Variants in PLEKHH1 observed in about 807,000 individuals in gnomAD.
PLEKHH1 encodes pleckstrin homology, MyTH4 and FERM domain containing H1.
A neutral mutation model predicts 160.0 loss-of-function variants in PLEKHH1; 104 were observed. That is an observed-to-expected ratio of 0.65 (90% CI 0.55 to 0.76). PLEKHH1 has a LOEUF of 0.76. PLEKHH1 is among the 30% of genes least tolerant of loss of function. The probability of loss-of-function intolerance (pLI) is 0.00; values close to 1 mark genes in which losing one functional copy is unlikely to be tolerated. For missense variants in PLEKHH1, 1,427 were observed against 1,724.1 expected (o/e 0.83, Z 3.05); for synonymous variants, 619 against 678.4 (o/e 0.91, Z 1.36).
chr14:67,585,613 G>C lies in PLEKHH1; in HGVS notation c.3745G>C (p.Val1249Leu). 1 of 1,584,560 alleles carries C rather than the reference G, an allele frequency of 6.3e-7. No individual in the cohort carries two copies. Among genetic ancestry groups the C allele is most frequent in the Non-Finnish European group, 8.6e-7 (1 of 1,164,320 alleles). ...SKENALVWIA[V>L]NEDGVSILDH... ...GGAGAACGCTCTGGTGTGGATTGCTGTGAATGAGGATGGCGTCAGCATCCT... is the reference window on the plus strand; with the variant it reads ...GGAGAACGCTCTGGTGTGGATTGCTCTGAATGAGGATGGCGTCAGCATCCT... The change falls in exon 27 of 29, where the codon GTG becomes CTG. Residue 1249 changes from valine to leucine, a missense_variant. By Grantham distance (32) the Val-to-Leu change is conservative (BLOSUM62 1). This residue lies in a region of PLEKHH1 where 56 missense variants were observed against 53.0 expected (regional missense o/e 1.06). Transcript: ENST00000329153.
Position 67,533,370 on chromosome 14 carries a change from C to G in PLEKHH1, c.-63C>G, listed in dbSNP as rs1435676408. ...CGAGGGCGCCCGTGTGCCCAGTGCGCGGCGGGGACGGCCGCGAGCTCGCTG... is the reference window on the plus strand; with the variant it reads ...CGAGGGCGCCCGTGTGCCCAGTGCGGGGCGGGGACGGCCGCGAGCTCGCTG... On this transcript the variant is annotated 5_prime_UTR_variant, in exon 1 of 29. Coordinates refer to ENST00000329153, the MANE Select transcript of PLEKHH1 (RefSeq NM_020715.3). 4 of 151,522 alleles carry G rather than the reference C, an allele frequency of 2.6e-5. No homozygotes were observed. Among genetic ancestry groups the G allele is most frequent in the Non-Finnish European group, 5.9e-5 (4 of 67,834 alleles). The allele number at this position is 151,522 out of a possible 1,614,324, so 9.4% of individuals were successfully genotyped here. A position where few individuals can be genotyped will look rare whatever the true frequency, so the allele number is the denominator to read the frequency against.
chr14:67,538,453 T>G (rs190428430), intron 1 of PLEKHH1, among the ~76,000 whole-genome samples: 8 of 152,362 alleles, frequency 5.3e-5, no homozygotes, highest in Admixed American at 5.2e-4. Context: ...TTTGACAAGT[T>G]ACAAACTCTA....
intron 2 of PLEKHH1, among the ~76,000 whole-genome samples, chr14:67,546,150 C>T (rs2034168999): frequency 6.6e-6 from 1 of 152,018 alleles, no homozygotes; most frequent in African/African-American, 2.4e-5. Context: ...TTACTATATA[C>T]AAATGAGGTA....
At chr14:67,561,128 C>T (rs1196250875) in intron 5 of PLEKHH1, among the ~76,000 whole-genome samples, 1 of 152,224 alleles carries the variant, frequency 6.6e-6, no homozygotes, top group Non-Finnish European at 1.5e-5. Context: ...TTTGGATGTA[C>T]ATCTCAGGTC....
chr14:67,534,779 A>G (rs1193854793), intron 1 of PLEKHH1, among the ~76,000 whole-genome samples: 1 of 151,952 alleles, frequency 6.6e-6, no homozygotes, highest in Non-Finnish European at 1.5e-5. Context: ...TGTTCCTCCC[A>G]TTCCTGATAG....
chr14:67,577,471 G>T, intron 18 of PLEKHH1, 57 bp downstream of exon 18: 1 of 1,128,956 alleles, frequency 8.9e-7, no homozygotes, highest in Non-Finnish European at 1.3e-6. Context: ...CTTGGGTGGA[G>T]AAGGCCTGTG....
intron 22 of PLEKHH1, among the ~76,000 whole-genome samples, chr14:67,580,682 G>T (rs2035852498): frequency 6.6e-6 from 1 of 152,216 alleles, no homozygotes; most frequent in Non-Finnish European, 1.5e-5. Context: ...CCTCTGGGGA[G>T]GCCCCTCAGC....
chr14:67,550,917 A>G (rs12431613), intron 2 of PLEKHH1, among the ~76,000 whole-genome samples: 2,009 of 152,306 alleles, frequency 0.013, 81 homozygotes, highest in Admixed American at 0.079. Flanking sequence ...TAGAGATACT[A>G]ACAGTACCTG....
In PLEKHH1 at chr14:67,562,146, T is replaced by G; in HGVS notation, c.515T>G (p.Ile172Arg). Residue 172 changes from isoleucine to arginine, a missense_variant, in exon 7 of 29, where the codon ATA (isoleucine) becomes AGA (arginine). Around this residue, in one of 6 missense-constraint regions of PLEKHH1, gnomAD observed 831 missense variants for 929.2 expected, o/e 0.89. Transcript: ENST00000329153. ...SLQDALEAIQ[I>R]APSRKLLVPP... ...TTTACCCGAATCACAGCTATTCAGA[T>G]AGCTCCTTCACGGAAGCTGCTGGTG... 2 of 1,611,542 alleles carry G rather than the reference T, an allele frequency of 1.2e-6. No individual in the cohort carries two copies. The highest frequency in any genetic ancestry group is 1.7e-6 in the Non-Finnish European group (2 of 1,178,294).
chr14:67,552,969 C>T (rs903182680), intron 2 of PLEKHH1, among the ~76,000 whole-genome samples: 1 of 152,128 alleles, frequency 6.6e-6, no homozygotes, highest in African/African-American at 2.4e-5. Flanking sequence ...AAAAAATGCT[C>T]GCTGTGTTGT....
intron 7 of PLEKHH1, 157 bp from the exon 8 acceptor site, chr14:67,568,981 T>C: frequency 1.7e-6 from 1 of 587,030 alleles, no homozygotes; most frequent in East Asian, 2.9e-5. Flanking sequence ...GGAAAATGAG[T>C]CTCAGAAATG....
At chr14:67,566,097 C>T (rs1014675331) in intron 7 of PLEKHH1, among the ~76,000 whole-genome samples, 8 of 152,084 alleles carry the variant, frequency 5.3e-5, no homozygotes, top group African/African-American at 9.7e-5. Context: ...CCAGCCTGGG[C>T]GACAGAGGAG....
chr14:67,551,266 C>T lies in PLEKHH1; in HGVS notation c.127-4559C>T, dbSNP rs75445682. On this transcript the variant is annotated intron_variant, in intron 2 of 28. Coordinates refer to ENST00000329153, the MANE Select transcript of PLEKHH1 (RefSeq NM_020715.3). ...AAAGGAGGCTGTATTACTAGTCATGCTGAGACAACAGGTGAGCATCACACT... is the reference window on the plus strand; with the variant it reads ...AAAGGAGGCTGTATTACTAGTCATGTTGAGACAACAGGTGAGCATCACACT... Among the ~76,000 whole-genome samples the T allele has an allele frequency of 7.2e-3, 1,097 of 152,280 alleles. 15 individuals carry two copies. The highest frequency in any genetic ancestry group is 0.025 in the African/African-American group (1,034 of 41,544).
intron 27 of PLEKHH1, 85 bp downstream of exon 27, chr14:67,585,739 AC>A (rs2036124927): frequency 3.5e-6 from 4 of 1,139,016 alleles, no homozygotes; most frequent in Non-Finnish European, 5.1e-6. Context: ...AAAAGCCTGA[AC>A]CAAGTGACCA....
chr14:67,548,824 A>G (rs1315255476), intron 2 of PLEKHH1, among the ~76,000 whole-genome samples: 2 of 152,236 alleles, frequency 1.3e-5, no homozygotes, highest in East Asian at 3.8e-4. Context: ...CTCTGTCACA[A>G]TCGCTTGCCA....
chr14:67,581,297 CACAA>C (rs1252063687), intron 23 of PLEKHH1, among the ~76,000 whole-genome samples: 2 of 151,290 alleles, frequency 1.3e-5, no homozygotes, highest in African/African-American at 4.8e-5. Context: ...CACACACACA[CACAA>C]ACATCTGCCA....
intron 2 of PLEKHH1, among the ~76,000 whole-genome samples, chr14:67,552,801 G>A (rs1057248546): frequency 6.6e-6 from 1 of 152,016 alleles, no homozygotes; most frequent in African/African-American, 2.4e-5. Flanking sequence ...GAAGGACTGG[G>A]AGGGTCGGCA....
chr14:67,558,015 G>T (rs555012412), intron 4 of PLEKHH1, among the ~76,000 whole-genome samples: 2 of 152,328 alleles, frequency 1.3e-5, no homozygotes, highest in East Asian at 3.9e-4. Context: ...GAAAACCAGG[G>T]TCTTCCCTTC....
At chr14:67,575,167 C>G (rs2035566612) in intron 14 of PLEKHH1, among the ~76,000 whole-genome samples, 1 of 152,038 alleles carries the variant, frequency 6.6e-6, no homozygotes, top group African/African-American at 2.4e-5. Flanking sequence ...CTAATCGTTT[C>G]ATGGCAGGTC....
Sources: gnomAD v4.1 joint callset for allele counts (sites outside exome capture counted in the v4.1 genomes callset) on GRCh38, gnomAD v4.1.1 for gene constraint, gnomAD v4.1.1 regional missense constraint, MANE v1.5 for transcripts, NCBI Gene and HGNC (gene_info 2026-07-23, HGNC 2026-07-21) for gene names.